Variants in FRMPD4 observed in about 807,000 individuals in gnomAD.
FRMPD4 encodes the protein FERM and PDZ domain-containing protein 4.
In FRMPD4, 22 loss-of-function variants were observed where a neutral mutation model predicts 94.1. The observed-to-expected ratio is 0.23, with a 90% CI of 0.17 to 0.33. The LOEUF (loss-of-function observed/expected upper bound fraction) is 0.33. Among genes scored for constraint, FRMPD4 ranks in the 10% least tolerant of loss-of-function variants. The pLI, the probability that FRMPD4 is intolerant of heterozygous loss-of-function variation, is 1.00. For missense variants in FRMPD4, 1,111 were observed against 1,339.9 expected, an observed-to-expected ratio of 0.83 and a Z score of 2.67; for synonymous variants, 631 against 548.6, an observed-to-expected ratio of 1.15 and a Z score of -2.10.
intron 4 of FRMPD4, among the ~76,000 whole-genome samples, chrX:12,640,211 A>G (rs1168324397): frequency 3.0e-5 from 3 of 99,505 alleles, no homozygotes; most frequent in African/African-American, 1.1e-4. Flanking sequence ...AGGCACGAGA[A>G]TTGCTTGAAC....
chrX:11,897,731 C>G (rs997565674), intron 3 of FRMPD4, among the ~76,000 whole-genome samples: 1 of 112,161 alleles, frequency 8.9e-6, no homozygotes, highest in African/African-American at 3.2e-5. Context: ...GGAGATAAAT[C>G]AAGGAATAAA....
chrX:12,095,960 G>A (rs898869366), intron 3 of FRMPD4, among the ~76,000 whole-genome samples: 4 of 111,708 alleles, frequency 3.6e-5, no homozygotes, highest in African/African-American at 6.5e-5. Flanking sequence ...CTGATCTCAG[G>A]ATCTCTGCCT....
Position 12,501,213 on chromosome X carries a change from C to T in FRMPD4, c.158+2417C>T, listed in dbSNP as rs1044135598. 8.9e-5 allele frequency among the ~76,000 whole-genome samples: 10 copies of T among 112,589 alleles called. No individual in the cohort carries two copies. The East Asian group carries it at 2.8e-3, about 31-fold the overall frequency. ...CTGTTAAAACATAAGAGCAAATCAG[C>T]AGCTTAATAGAGAAACCTGCACTGA... On this transcript the variant is annotated intron_variant, in intron 2 of 16. Transcript: ENST00000675598.
At chrX:12,366,628 C>T (rs2056084888) in intron 1 of FRMPD4, among the ~76,000 whole-genome samples, 1 of 112,315 alleles carries the variant, frequency 8.9e-6, no homozygotes, top group Non-Finnish European at 1.9e-5. Flanking sequence ...CACCCAGTGT[C>T]CCCATGGGCC....
intron 3 of FRMPD4, among the ~76,000 whole-genome samples, chrX:11,901,891 G>C (rs1425780771): frequency 9.0e-6 from 1 of 111,461 alleles, no homozygotes; most frequent in African/African-American, 3.3e-5. Context: ...GGCTGTTTCT[G>C]TATCTTCTTT....
chrX:12,315,053 G>T (rs764333530), intron 1 of FRMPD4, among the ~76,000 whole-genome samples: 15 of 111,747 alleles, frequency 1.3e-4, no homozygotes, highest in Non-Finnish European at 2.3e-4. Flanking sequence ...AGCAATTTCC[G>T]TAGCTACCAT....
intron 3 of FRMPD4, among the ~76,000 whole-genome samples, chrX:11,899,412 T>A (rs1160843522): frequency 4.6e-5 from 5 of 108,808 alleles, no homozygotes; most frequent in African/African-American, 1.7e-4. Context: ...CAGCTGACAC[T>A]TTGTGCTGCC....
At chrX:12,155,760 T>C (rs1370688286) in intron 1 of FRMPD4, among the ~76,000 whole-genome samples, 2 of 111,026 alleles carry the variant, frequency 1.8e-5, no homozygotes, top group Admixed American at 1.9e-4. Context: ...TTCCTAAACC[T>C]ACCCAGTGAG....
chrX:11,832,490 G>A (rs1195135521), intron 1 of FRMPD4, among the ~76,000 whole-genome samples: 5 of 111,351 alleles, frequency 4.5e-5, no homozygotes, highest in African/African-American at 1.6e-4. Context: ...TCCATTGGAT[G>A]ACCTTTAAAA....
intron 4 of FRMPD4, among the ~76,000 whole-genome samples, chrX:12,633,798 A>T (rs1024813495): frequency 3.6e-5 from 4 of 112,236 alleles, no homozygotes; most frequent in African/African-American, 1.3e-4. Flanking sequence ...CTTCATTTTT[A>T]TTTCAACATC....
intron 2 of FRMPD4, among the ~76,000 whole-genome samples, chrX:12,537,832 T>C (rs757198968): frequency 9.0e-6 from 1 of 111,180 alleles, no homozygotes; most frequent in South Asian, 3.8e-4. Context: ...AGGTTCTAAA[T>C]ACATTTTACA....
chrX:12,472,662 G>A (rs751381927), intron 1 of FRMPD4, among the ~76,000 whole-genome samples: 1 of 112,237 alleles, frequency 8.9e-6, no homozygotes, highest in Admixed American at 9.4e-5. Flanking sequence ...ACTACGTGAC[G>A]AATGCACAAG....
chrX:12,041,889 A>AT lies in FRMPD4; in HGVS notation c.95+163873dup, dbSNP rs199844157. On this transcript the variant is annotated intron_variant, in intron 3 of 18. Coordinates refer to the FRMPD4 transcript ENST00000640291. ...CCATTGATATATCTTAAGTTCTTTG[A>AT]TTCGTCTGTGTTCTCAAATCTTCTG... Among the ~76,000 whole-genome samples the AT allele has an allele frequency of 7.5e-3, 833 of 110,594 alleles. 5 individuals carry two copies. The highest frequency in any genetic ancestry group is 0.026 in the African/African-American group (804 of 30,426).
intron 2 of FRMPD4, among the ~76,000 whole-genome samples, chrX:12,503,154 C>T (rs2057942344): frequency 8.9e-6 from 1 of 111,792 alleles, no homozygotes; most frequent in Non-Finnish European, 1.9e-5. Context: ...TATTAAAATA[C>T]TAGCTGGCAA....
At chrX:12,161,142 G>C (rs2056019231) in intron 1 of FRMPD4, among the ~76,000 whole-genome samples, 1 of 104,219 alleles carries the variant, frequency 9.6e-6, no homozygotes, top group Admixed American at 1.1e-4. Flanking sequence ...ACTGTATTAA[G>C]GGCTTATTGT....
rs759226271 is a variant in FRMPD4 at position 12,702,799 on chromosome X, A to G, written c.1070+789A>G. Reference sequence around the variant, plus strand: ...ATGTAGGGACAAATCCTCATATGCAATTTGAGAACCTCAGGCCTTCAGTTC... The same window carrying G: ...ATGTAGGGACAAATCCTCATATGCAGTTTGAGAACCTCAGGCCTTCAGTTC... On this transcript the variant is annotated intron_variant, in intron 10 of 16. Coordinates refer to ENST00000675598, the MANE Select transcript of FRMPD4 (RefSeq NM_001368397.1). Among the ~76,000 whole-genome samples, 3 of 112,291 alleles carry G rather than the reference A, an allele frequency of 2.7e-5. No individual in the cohort carries two copies. The South Asian group carries it at 1.1e-3, about 42-fold the overall frequency.
chrX:12,087,701 G>A (rs1014847475), intron 3 of FRMPD4, among the ~76,000 whole-genome samples: 4 of 112,216 alleles, frequency 3.6e-5, no homozygotes, highest in South Asian at 3.7e-4. Flanking sequence ...GGATTGATAC[G>A]TTTAGGGTTT....
intron 4 of FRMPD4, among the ~76,000 whole-genome samples, chrX:12,668,154 G>A (rs2059799115): frequency 9.0e-6 from 1 of 111,466 alleles, no homozygotes; most frequent in Admixed American, 9.6e-5. Flanking sequence ...TTTTTAAATG[G>A]TGTAGATCAT....
chrX:12,352,792 C>T (rs2055835090), intron 1 of FRMPD4, among the ~76,000 whole-genome samples: 1 of 112,065 alleles, frequency 8.9e-6, no homozygotes, highest in African/African-American at 3.2e-5. Context: ...TGGAAAATGA[C>T]AACATAACAT....
Sources: gnomAD v4.1 joint callset for allele counts (sites outside exome capture counted in the v4.1 genomes callset) on GRCh38, gnomAD v4.1.1 for gene constraint, MANE v1.5 for transcripts, NCBI Gene and HGNC (gene_info 2026-07-23, HGNC 2026-07-21) for gene names.